Variants in RAB38 observed in about 807,000 individuals in gnomAD.
The protein encoded by RAB38 is ras-related protein Rab-38.
In RAB38, 15 loss-of-function variants were observed where a neutral mutation model predicts 18.4. The ratio of observed to expected loss-of-function variants is 0.82; its 90% CI spans 0.55 to 1.26. The LOEUF is 1.26. RAB38 is among the 50% of genes most tolerant of loss of function. The pLI, the probability that RAB38 is intolerant of heterozygous loss-of-function variation, is 0.00. For synonymous variants in RAB38, 101 were observed against 104.4 expected (o/e 0.97, Z 0.20); for missense variants, 294 against 267.4 (o/e 1.10, Z -0.69).
the RAB38 span, among the ~76,000 whole-genome samples, chr11:88,027,942 C>A: frequency 6.6e-6 from 1 of 152,066 alleles, no homozygotes; most frequent in African/African-American, 2.4e-5. Flanking sequence ...GGTCCCTGAC[C>A]CATGACCCCT....
chr11:88,157,963 T>C (rs1182425490), intron 1 of RAB38, among the ~76,000 whole-genome samples: 2 of 151,622 alleles, frequency 1.3e-5, no homozygotes, highest in Non-Finnish European at 2.9e-5. Context: ...ACTCAAAAAA[T>C]ACATACAAAG....
the RAB38 span, among the ~76,000 whole-genome samples, chr11:87,853,542 C>G: frequency 6.6e-6 from 1 of 152,150 alleles, no homozygotes; most frequent in African/African-American, 2.4e-5. Context: ...GTCTATGGTA[C>G]TTTGTTATGG....
chr11:87,812,159 C>G, the RAB38 span, among the ~76,000 whole-genome samples: 2 of 152,148 alleles, frequency 1.3e-5, no homozygotes, highest in African/African-American at 4.8e-5. Flanking sequence ...CCACCATTGA[C>G]CTTGGGCAAA....
At chr11:87,824,396 C>T in the RAB38 span, among the ~76,000 whole-genome samples, 2 of 152,174 alleles carry the variant, frequency 1.3e-5, no homozygotes, top group South Asian at 2.1e-4. Context: ...AAATCTAAAT[C>T]AATGATCAAG....
At chr11:88,098,533 G>A in the RAB38 span, 1 of 151,968 alleles carries the variant, frequency 6.6e-6, no homozygotes, top group Admixed American at 6.6e-5. Context: ...ATAAACACCA[G>A]TGAACATTCT....
chr11:87,845,285 G>A, the RAB38 span, among the ~76,000 whole-genome samples: 2 of 151,914 alleles, frequency 1.3e-5, no homozygotes, highest in South Asian at 2.1e-4. Flanking sequence ...AAAACTTTAA[G>A]GAAGCTATAT....
chr11:88,165,169 C>T (rs778906956), intron 1 of RAB38, among the ~76,000 whole-genome samples: 8 of 151,976 alleles, frequency 5.3e-5, no homozygotes, highest in Admixed American at 2.0e-4. Context: ...TAACAACCCA[C>T]GAGATGTAAA....
chr11:88,009,929 A>G, the RAB38 span, among the ~76,000 whole-genome samples: 5 of 152,166 alleles, frequency 3.3e-5, no homozygotes, highest in Non-Finnish European at 7.3e-5. Flanking sequence ...CATAAGTGAG[A>G]TATCTTTGAA....
chr11:88,006,180 C>T, the RAB38 span, among the ~76,000 whole-genome samples: 1 of 150,970 alleles, frequency 6.6e-6, no homozygotes, highest in African/African-American at 2.4e-5. Flanking sequence ...AAAAAAAATG[C>T]TTGACTTTAT....
At chr11:88,006,823 G>C in the RAB38 span, among the ~76,000 whole-genome samples, 1 of 151,398 alleles carries the variant, frequency 6.6e-6, no homozygotes, top group Non-Finnish European at 1.5e-5. Context: ...GTAGAGAGTA[G>C]AATAGTGGTT....
chr11:87,975,371 T>G, the RAB38 span, among the ~76,000 whole-genome samples: 7 of 152,048 alleles, frequency 4.6e-5, no homozygotes, highest in Middle Eastern at 3.4e-3. Context: ...GAGACAAAAT[T>G]AAAGACATTT....
chr11:87,976,677 A>G, the RAB38 span, among the ~76,000 whole-genome samples: 1 of 119,054 alleles, frequency 8.4e-6, no homozygotes, highest in Non-Finnish European at 1.6e-5. Flanking sequence ...TATATGATAT[A>G]TATTTATATA....
At chr11:87,881,428 T>C in the RAB38 span, among the ~76,000 whole-genome samples, 2 of 151,924 alleles carry the variant, frequency 1.3e-5, no homozygotes, top group African/African-American at 4.8e-5. Flanking sequence ...TTATTTTTTA[T>C]TAGGTTCACA....
At chr11:88,107,070 G>A in the RAB38 span, among the ~76,000 whole-genome samples, 3 of 152,090 alleles carry the variant, frequency 2.0e-5, no homozygotes, top group Non-Finnish European at 4.4e-5. Flanking sequence ...TGCATCAAGG[G>A]AAACAATAGT....
chr11:88,130,289 T>C lies in RAB38; in HGVS notation c.484-16149A>G, dbSNP rs192915361. Among the ~76,000 whole-genome samples the C allele has an allele frequency of 5.9e-5, 9 of 152,132 alleles. No homozygotes were observed. The East Asian group carries it at 1.7e-3, about 29-fold the overall frequency. ...GGTAAAATCAAGTTTAAAAATAACA[T>C]GTACAAAAGACAGAAGGAGAAGGGA... On this transcript the variant is annotated intron_variant, in intron 2 of 2. Coordinates refer to ENST00000243662, the MANE Select transcript of RAB38 (RefSeq NM_022337.3).
the RAB38 span, among the ~76,000 whole-genome samples, chr11:87,902,302 T>C: frequency 1.3e-5 from 2 of 151,594 alleles, no homozygotes; most frequent in Non-Finnish European, 3.0e-5. Context: ...ATTATCCTTT[T>C]ACAAATACTT....
chr11:87,873,922 G>GTATATATATATATATATATA, the RAB38 span, among the ~76,000 whole-genome samples: 77 of 103,092 alleles, frequency 7.5e-4, no homozygotes, highest in African/African-American at 1.9e-3. Flanking sequence ...GTGTGTGTGT[G>GTATATATATATATATATATA]TATATATATA....
the RAB38 span, among the ~76,000 whole-genome samples, chr11:88,035,088 A>G: frequency 6.6e-5 from 10 of 152,140 alleles, no homozygotes; most frequent in Non-Finnish European, 1.5e-4. Flanking sequence ...AATGTTGAGG[A>G]CATTTCTCTT....
At chr11:87,866,344 C>A in the RAB38 span, among the ~76,000 whole-genome samples, 1 of 151,742 alleles carries the variant, frequency 6.6e-6, no homozygotes, top group East Asian at 1.9e-4. Context: ...AATACTACTC[C>A]ATGGGCAATA....
Sources: allele counts gnomAD v4.1 joint callset (sites outside exome capture counted in the v4.1 genomes callset), GRCh38; gene constraint gnomAD v4.1.1; transcripts MANE v1.5; gene names NCBI Gene and HGNC (gene_info 2026-07-23, HGNC 2026-07-21).